The following HTR4 variants were observed in gnomAD, a reference collection of about 807,000 sequenced individuals.
The protein encoded by HTR4 is 5-hydroxytryptamine receptor 4.
Under a neutral mutation model 36.8 loss-of-function variants are expected in HTR4, and 16 were observed. The ratio of observed to expected loss-of-function variants is 0.43; its 90% CI spans 0.29 to 0.66. HTR4 has a LOEUF of 0.66. Among genes scored for constraint, HTR4 ranks in the 30% least tolerant of loss-of-function variants. The pLI, the probability that HTR4 is intolerant of heterozygous loss-of-function variation, is 0.13. For missense variants in HTR4, 438 were observed against 490.9 expected (o/e 0.89, Z 1.02); for synonymous variants, 189 against 185.1 (o/e 1.02, Z -0.17).
chr5:148,530,883 T>C (rs1025611872), intron 4 of HTR4, among the ~76,000 whole-genome samples: 1 of 152,250 alleles, frequency 6.6e-6, no homozygotes, highest in Non-Finnish European at 1.5e-5. Flanking sequence ...ATGTGAGACA[T>C]GGATTCAAAG....
At chr5:148,494,109 G>A (rs929159685) in intron 6 of HTR4, among the ~76,000 whole-genome samples, 5 of 152,292 alleles carry the variant, frequency 3.3e-5, no homozygotes, top group African/African-American at 1.2e-4. Flanking sequence ...TTAACAAGTG[G>A]TTTCACTGTG....
At chr5:148,477,550 A>C (rs1372979762), downstream of HTR4, among the ~76,000 whole-genome samples, 1 of 152,220 alleles carries the variant, frequency 6.6e-6, no homozygotes, top group Non-Finnish European at 1.5e-5. Context: ...TAATTTCTGC[A>C]TCCTTGGAAA....
chr5:148,533,022 G>A lies in HTR4; in HGVS notation c.354-9676C>T, dbSNP rs139144261. Reference sequence around the variant, plus strand: ...CCAAAAGATTTTTAAGCTGGAAAACGTCCATCGTAATCAATATTGCTGTGT... The same window carrying A: ...CCAAAAGATTTTTAAGCTGGAAAACATCCATCGTAATCAATATTGCTGTGT... On this transcript the variant is annotated intron_variant, in intron 4 of 6. Coordinates refer to ENST00000377888, the MANE Select transcript of HTR4 (RefSeq NM_000870.7). 5.3e-5 allele frequency among the ~76,000 whole-genome samples: 8 copies of A among 152,282 alleles called. No individual in the cohort carries two copies. The East Asian group carries it at 5.8e-4, about 11-fold the overall frequency.
At chr5:148,644,411 C>T (rs1400399964) in intron 1 of HTR4, among the ~76,000 whole-genome samples, 6 of 129,770 alleles carry the variant, frequency 4.6e-5, no homozygotes, top group Admixed American at 4.1e-4. Context: ...GAATAGGTCT[C>T]AAGCTCACAA....
At chr5:148,524,459 G>A (rs1282779587) in intron 4 of HTR4, among the ~76,000 whole-genome samples, 1 of 152,120 alleles carries the variant, frequency 6.6e-6, no homozygotes, top group African/African-American at 2.4e-5. Context: ...ACTATCTTTT[G>A]ATTCCATGTT....
chr5:148,576,126 A>AAAAAAAAAC (rs1760902523), intron 2 of HTR4, among the ~76,000 whole-genome samples: 2 of 149,290 alleles, frequency 1.3e-5, no homozygotes, highest in Non-Finnish European at 3.0e-5. Flanking sequence ...AAAAAAAAAA[A>AAAAAAAAAC]AAAAAAACAA....
rs116542337 is a variant in HTR4 at position 148,545,442 on chromosome 5, C to T, written c.353+3226G>A. Among the ~76,000 whole-genome samples the T allele has an allele frequency of 2.2e-3, 329 of 152,342 alleles. 2 individuals are homozygous for T. The highest frequency in any genetic ancestry group is 7.4e-3 in the African/African-American group (307 of 41,574). ...GTTCTATGAGGGCAGGGATCTTGCC[C>T]TTGTTCGTAGCCTTGGGCTTCCTCC... On this transcript the variant is annotated intron_variant, in intron 4 of 6. Transcript: ENST00000377888.
chr5:148,493,208 A>G (rs1331083404), intron 6 of HTR4, among the ~76,000 whole-genome samples: 1 of 152,202 alleles, frequency 6.6e-6, no homozygotes, highest in Non-Finnish European at 1.5e-5. Flanking sequence ...GATGGGGACC[A>G]AGGCCGGCTT....
chr5:148,468,048 G>A (rs1755473181), intron 5 of HTR4, among the ~76,000 whole-genome samples: 1 of 152,210 alleles, frequency 6.6e-6, no homozygotes, highest in African/African-American at 2.4e-5. Context: ...TTTGGTACAG[G>A]TAGGGCCTTA....
rs550574185 is a variant in HTR4 at position 148,452,034 on chromosome 5, A to G, written c.1077-762T>C. On this transcript the variant is annotated intron_variant, in intron 5 of 5. Transcript: ENST00000521530. Reference sequence around the variant, plus strand: ...AGTGTCAAGCACTTTCAGTGAGACAAACAAACAAATACCATTCAGCTATTT... The same window carrying G: ...AGTGTCAAGCACTTTCAGTGAGACAGACAAACAAATACCATTCAGCTATTT... 6.6e-5 allele frequency among the ~76,000 whole-genome samples: 10 copies of G among 152,356 alleles called. No homozygotes were observed. The South Asian group carries it at 2.1e-3, about 32-fold the overall frequency.
In HTR4 at chr5:148,481,630, C is replaced by T. The variant is rs1384468998; in HGVS notation, c.*1573G>A. 23 of 1,499,140 alleles carry T rather than the reference C, an allele frequency of 1.5e-5. No individual in the cohort carries two copies. The highest frequency in any genetic ancestry group is 1.9e-5 in the Non-Finnish European group (22 of 1,136,070). 92.9% of individuals were successfully genotyped at this position (1,499,140 alleles called of 1,614,324 possible). ...CTTCCTGTCGGTTTCAGTTCCAGAA[C>T]TAAAGTAAACAACAATGGAAACAAT... On this transcript the variant is annotated 3_prime_UTR_variant, in exon 7 of 7. Transcript: ENST00000377888.
chr5:148,517,824 C>G (rs1471213289), intron 5 of HTR4, among the ~76,000 whole-genome samples: 2 of 152,102 alleles, frequency 1.3e-5, no homozygotes, highest in East Asian at 3.8e-4. Context: ...TAATTCAGGT[C>G]ATGTTACTCA....
chr5:148,581,986 T>A (rs963886677), intron 2 of HTR4, among the ~76,000 whole-genome samples: 1 of 152,142 alleles, frequency 6.6e-6, no homozygotes, highest in African/African-American at 2.4e-5. Context: ...TCCACATTTT[T>A]ATCTAATTTC....
chr5:148,470,683 C>T (rs1299371693), intron 5 of HTR4, among the ~76,000 whole-genome samples: 2 of 152,142 alleles, frequency 1.3e-5, no homozygotes. Context: ...CTAACTCTTG[C>T]TCTAGAAGTA....
At position 148,458,212 on chromosome 5, in the gene HTR4, C is replaced by A. The variant is rs930967375; in HGVS notation, c.1077-6940G>T. On this transcript the variant is annotated intron_variant, in intron 5 of 5. Transcript: ENST00000521530. ...AATATATCATTAAAATATAAAGTGCCTTGGTTTAAAGAGATTCAACCCTAA... is the reference window on the plus strand; with the variant it reads ...AATATATCATTAAAATATAAAGTGCATTGGTTTAAAGAGATTCAACCCTAA... Among the ~76,000 whole-genome samples, 12 of 148,386 alleles carry A rather than the reference C, an allele frequency of 8.1e-5. No individual in the cohort carries two copies. The Admixed American group carries it at 8.1e-4, about 10-fold the overall frequency.
chr5:148,566,280 A>G (rs1760438898), intron 2 of HTR4, among the ~76,000 whole-genome samples: 1 of 152,212 alleles, frequency 6.6e-6, no homozygotes, highest in Non-Finnish European at 1.5e-5. Context: ...ATGTATTTAT[A>G]TATGGGTCCA....
chr5:148,576,633 T>C (rs1224773482), intron 2 of HTR4, among the ~76,000 whole-genome samples: 1 of 151,906 alleles, frequency 6.6e-6, no homozygotes, highest in African/African-American at 2.4e-5. Flanking sequence ...CCTAGACCAA[T>C]GGAATAGAAT....
intron 1 of HTR4, among the ~76,000 whole-genome samples, chr5:148,644,311 G>T (rs973780506): frequency 2.7e-5 from 4 of 147,566 alleles, no homozygotes; most frequent in Admixed American, 6.8e-5. Context: ...TTTAGTTATT[G>T]TTGTTTATGT....
chr5:148,599,264 C>T (rs1205495305), intron 2 of HTR4, among the ~76,000 whole-genome samples: 1 of 151,978 alleles, frequency 6.6e-6, no homozygotes, highest in African/African-American at 2.4e-5. Flanking sequence ...CATCAAATCA[C>T]AAATCAAGAA....
Sources: gnomAD v4.1 joint callset for allele counts (sites outside exome capture counted in the v4.1 genomes callset) on GRCh38, gnomAD v4.1.1 for gene constraint, MANE v1.5 for transcripts, NCBI Gene and HGNC (gene_info 2026-07-23, HGNC 2026-07-21) for gene names.